The following AGAP4 variants were observed in gnomAD, a reference collection of about 807,000 sequenced individuals.
The protein encoded by AGAP4 is arf-GAP with GTPase, ANK repeat and PH domain-containing protein 4.
AGAP4 carries 13 observed loss-of-function variants against 60.7 expected under a neutral mutation model. The observed-to-expected ratio is 0.21, with a 90% CI of 0.14 to 0.34. The LOEUF (loss-of-function observed/expected upper bound fraction) is 0.34, where lower values mean the gene tolerates loss of function less well. Among genes scored for constraint, AGAP4 ranks in the 10% least tolerant of loss-of-function variants. AGAP4 has a pLI of 1.00. For missense variants in AGAP4, 169 were observed against 884.0 expected (o/e 0.19, Z 10.26); for synonymous variants, 70 against 339.0 (o/e 0.21, Z 8.72).
At chr10:45,849,544 C>A (rs1221186002), upstream of AGAP4, among the ~76,000 whole-genome samples, 49 of 150,846 alleles carry the variant, frequency 3.2e-4, no homozygotes, top group Admixed American at 1.1e-3. Flanking sequence ...AATTGTTTCT[C>A]TAATTTCATT....
upstream of AGAP4, among the ~76,000 whole-genome samples, chr10:45,848,509 C>G (rs1259781555): frequency 1.3e-5 from 2 of 150,416 alleles, no homozygotes; most frequent in Admixed American, 1.3e-4. Context: ...CTGACAGTGT[C>G]CCCACTGTGC....
rs2058652825 is a variant in AGAP4 at position 45,826,644 on chromosome 10, G to A, written c.1332C>T (p.Ala444=). The part of the protein sequence containing the change: ...WVQAIQSQIL[A]SLQSCESSKS... ...TACTGCTCTCGCATGACTGCAGGCTGGCCAGGATCTGGCTCTGGATGGCTT... is the reference window on the plus strand; with the variant it reads ...TACTGCTCTCGCATGACTGCAGGCTAGCCAGGATCTGGCTCTGGATGGCTT... The change falls in exon 8 of 8, where the codon GCC becomes GCT. Residue 444 remains alanine (A), a synonymous_variant. Coordinates refer to ENST00000616763, the MANE Select transcript of AGAP4 (RefSeq NM_001276343.3). The A allele has an allele frequency of 7.1e-7, 1 of 1,405,488 alleles. No individual in the cohort carries two copies. The highest frequency in any genetic ancestry group is 1.8e-5 in the Admixed American group (1 of 55,814). 87.1% of individuals were successfully genotyped at this position (1,405,488 alleles called of 1,614,324 possible). A position where few individuals can be genotyped will look rare whatever the true frequency, so the allele number is the denominator to read the frequency against.
chr10:45,847,527 G>A (rs1432960741), upstream of AGAP4: 28 of 1,496,550 alleles, frequency 1.9e-5, no homozygotes, highest in African/African-American at 6.7e-5. Context: ...CCCCGGCCCC[G>A]GCTAGGGCTG....
At chr10:45,849,930 A>G (rs1249859154), upstream of AGAP4, among the ~76,000 whole-genome samples, 1 of 145,190 alleles carries the variant, frequency 6.9e-6, no homozygotes, top group Non-Finnish European at 1.5e-5. Context: ...TTTTAAAAGA[A>G]TTTTTTTTTT....
upstream of AGAP4, among the ~76,000 whole-genome samples, chr10:45,852,217 TAAAAAAAAAAAAA>T (rs781889843): frequency 1.3e-4 from 12 of 91,714 alleles, no homozygotes; most frequent in East Asian, 3.4e-3. Context: ...GGCCAGACTT[TAAAAAAAAAAAAA>T]AAAAAAAAAA....
chr10:45,830,549 C>G (rs1189461396), intron 6 of AGAP4, among the ~76,000 whole-genome samples: 18 of 103,834 alleles, frequency 1.7e-4, no homozygotes, highest in African/African-American at 6.9e-4. Flanking sequence ...GCAATGGCAC[C>G]ATCTCAGCTC....
At chr10:45,834,767 T>A (rs1176491205) in intron 4 of AGAP4, among the ~76,000 whole-genome samples, 2 of 140,488 alleles carry the variant, frequency 1.4e-5, no homozygotes, top group African/African-American at 6.0e-5. Flanking sequence ...TTTCTATTAA[T>A]TAATTAATTT....
intron 4 of AGAP4, chr10:45,841,422 C>T (rs2058916883): frequency 2.6e-5 from 11 of 423,162 alleles, no homozygotes; most frequent in Admixed American, 1.6e-4. Flanking sequence ...TCTTTTGAAC[C>T]GGACTATTGA....
Position 45,834,075 on chromosome 10 carries a change from C to A in AGAP4, c.438G>T (p.Ser146=), listed in dbSNP as rs1399185934. 9 of 1,574,938 alleles carry A rather than the reference C, an allele frequency of 5.7e-6. 1 individual carries two copies. The Admixed American group carries it at 6.9e-5, about 12-fold the overall frequency. ...VRFSQQYSLC[S]TIFLDDSTAI... ...CTGTGCTGTCATCAAGGAATATTGT[C>A]GAACACAAGCTGTATTGTTGACTGA... The change falls in exon 5 of 8, where the codon TCG becomes TCT. Residue 146 remains serine, a synonymous_variant. Transcript: ENST00000616763.
intron 2 of AGAP4, among the ~76,000 whole-genome samples, chr10:45,844,780 C>G (rs1279241551): frequency 6.8e-6 from 1 of 147,268 alleles, no homozygotes; most frequent in African/African-American, 2.5e-5. Context: ...ATTTTATAGG[C>G]AAAATATAAG....
intron 4 of AGAP4, among the ~76,000 whole-genome samples, chr10:45,838,104 A>G (rs1192732833): frequency 6.7e-6 from 1 of 149,808 alleles, no homozygotes; most frequent in South Asian, 2.1e-4. Flanking sequence ...TATGAGGAAT[A>G]CCACCTCAGC....
chr10:45,843,951 G>C (rs2058960128), intron 3 of AGAP4, among the ~76,000 whole-genome samples: 2 of 149,938 alleles, frequency 1.3e-5, no homozygotes, highest in Non-Finnish European at 2.9e-5. Context: ...TGAAAACCAA[G>C]CTGAAGTTCT....
At chr10:45,845,971 G>A (rs1348171927) in intron 2 of AGAP4, among the ~76,000 whole-genome samples, 1 of 103,966 alleles carries the variant, frequency 9.6e-6, no homozygotes, top group African/African-American at 3.8e-5. Flanking sequence ...GACAAAGGGG[G>A]AGCCATGGCA....
chr10:45,850,849 A>T (rs2059075135), upstream of AGAP4, among the ~76,000 whole-genome samples: 1 of 152,006 alleles, frequency 6.6e-6, no homozygotes. Context: ...TGTCACATTA[A>T]AATGGAACTC....
chr10:45,853,396 G>T (rs2059107321), intron 1 of AGAP4, among the ~76,000 whole-genome samples: 1 of 151,278 alleles, frequency 6.6e-6, no homozygotes, highest in South Asian at 2.1e-4. Flanking sequence ...ACACGCATTA[G>T]TGACTGTTAA....
At chr10:45,830,580 A>G in intron 6 of AGAP4, among the ~76,000 whole-genome samples, 1 of 106,122 alleles carries the variant, frequency 9.4e-6, no homozygotes, top group South Asian at 4.3e-4. Flanking sequence ...CCGCCTCCCA[A>G]GTTCAAGCGG....
At chr10:45,851,814 T>C (rs2059086930), upstream of AGAP4, among the ~76,000 whole-genome samples, 1 of 151,862 alleles carries the variant, frequency 6.6e-6, no homozygotes, top group Non-Finnish European at 1.5e-5. Flanking sequence ...TTTGGACTCC[T>C]ACAAAAGCAA....
intron 3 of AGAP4, among the ~76,000 whole-genome samples, 170 bp from the exon 4 acceptor site, chr10:45,841,857 G>A (rs1341975453): frequency 1.3e-5 from 2 of 151,596 alleles, no homozygotes; most frequent in Admixed American, 1.3e-4. Context: ...AATTTCATAA[G>A]TCAAATCTAA....
upstream of AGAP4, among the ~76,000 whole-genome samples, chr10:45,850,607 T>C (rs1428938333): frequency 1.3e-5 from 2 of 152,140 alleles, no homozygotes; most frequent in Non-Finnish European, 2.9e-5. Flanking sequence ...AAAGGCAGAG[T>C]AATGCTAAGG....
Sources: allele counts gnomAD v4.1 joint callset (sites outside exome capture counted in the v4.1 genomes callset), GRCh38; gene constraint gnomAD v4.1.1; transcripts MANE v1.5; gene names NCBI Gene and HGNC (gene_info 2026-07-23, HGNC 2026-07-21).